MRAP2: variants seen among roughly 807,000 people sequenced by gnomAD.
MRAP2 encodes melanocortin-2 receptor accessory protein 2.
Under a neutral mutation model 17.4 loss-of-function variants are expected in MRAP2, and 20 were observed. The observed-to-expected ratio is 1.15, with a 90% confidence interval of 0.81 to 1.67. The LOEUF (loss-of-function observed/expected upper bound fraction) is 1.67. MRAP2 is among the 40% of genes most tolerant of loss of function. The probability of loss-of-function intolerance (pLI) is 0.00; values close to 1 mark genes in which losing one functional copy is unlikely to be tolerated. For missense variants in MRAP2, 238 were observed against 240.0 expected, an observed-to-expected ratio of 0.99 and a Z score of 0.05; for synonymous variants, 96 against 88.4, an observed-to-expected ratio of 1.09 and a Z score of -0.48.
the MRAP2 span, among the ~76,000 whole-genome samples, chr6:84,120,889 C>G: frequency 6.6e-6 from 1 of 152,080 alleles, no homozygotes; most frequent in Non-Finnish European, 1.5e-5. Flanking sequence ...TTTTACTACC[C>G]TCTAGGCATG....
In MRAP2 at chr6:84,067,034, C is replaced by G. The variant is rs113289488; in HGVS notation, c.227+4042C>G. On this transcript the variant is annotated intron_variant, in intron 3 of 3. Transcript: ENST00000257776. ...GTTTGTAGTCCTTTCTCCCTCACCC[C>G]CTCCTTCTCGTCACCCCCAAGCCCC... 9.2e-3 allele frequency among the ~76,000 whole-genome samples: 1,393 copies of G among 151,998 alleles called. 29 individuals carry two copies. Among genetic ancestry groups the G allele is most frequent in the African/African-American group, 0.031 (1,283 of 41,448 alleles).
At chr6:84,123,784 A>G in the MRAP2 span, among the ~76,000 whole-genome samples, 1 of 152,098 alleles carries the variant, frequency 6.6e-6, no homozygotes, top group African/African-American at 2.4e-5. Context: ...AAATAAACAG[A>G]TAACCTACAT....
intron 1 of MRAP2, among the ~76,000 whole-genome samples, chr6:84,046,767 C>T (rs111465634): frequency 0.15 from 18,173 of 119,384 alleles, 1,553 homozygotes; most frequent in Middle Eastern, 0.4. Context: ...GGCAACAGAG[C>T]GAAACTCCAT....
intron 2 of MRAP2, among the ~76,000 whole-genome samples, chr6:84,056,326 G>C (rs928253004): frequency 6.6e-6 from 1 of 152,176 alleles, no homozygotes; most frequent in Non-Finnish European, 1.5e-5. Flanking sequence ...ATTATTTCCT[G>C]GCTGCTTCTA....
At chr6:84,080,025 T>A (rs913451877) in intron 3 of MRAP2, among the ~76,000 whole-genome samples, 2 of 151,888 alleles carry the variant, frequency 1.3e-5, no homozygotes, top group Non-Finnish European at 2.9e-5. Context: ...GCCAGGGTTT[T>A]TTTTTTGTTT....
chr6:84,060,554 T>A (rs1296818244), intron 2 of MRAP2, among the ~76,000 whole-genome samples: 1 of 152,256 alleles, frequency 6.6e-6, no homozygotes, highest in Admixed American at 6.5e-5. Flanking sequence ...TGCAGGCAGT[T>A]GATAAAGTAC....
chr6:84,061,513 T>G (rs1248154714), intron 2 of MRAP2, among the ~76,000 whole-genome samples: 1 of 152,152 alleles, frequency 6.6e-6, no homozygotes, highest in Non-Finnish European at 1.5e-5. Context: ...CAGACAAAAA[T>G]GTTATTGGGT....
At chr6:84,086,966 A>G (rs2099500634) in intron 3 of MRAP2, among the ~76,000 whole-genome samples, 1 of 152,192 alleles carries the variant, frequency 6.6e-6, no homozygotes, top group Admixed American at 6.5e-5. Flanking sequence ...TATTTCTCAG[A>G]GCTTCTTAGC....
chr6:84,137,288 T>G, the MRAP2 span, among the ~76,000 whole-genome samples: 1 of 152,190 alleles, frequency 6.6e-6, no homozygotes, highest in South Asian at 2.1e-4. Flanking sequence ...GTTGTGTGAC[T>G]CTAAACGTTT....
At chr6:84,102,290 G>A in the MRAP2 span, among the ~76,000 whole-genome samples, 1 of 152,286 alleles carries the variant, frequency 6.6e-6, no homozygotes, top group South Asian at 2.1e-4. Flanking sequence ...GCAGATTAAG[G>A]ACCTTGAGAT....
rs1265363106 is a variant in MRAP2, at chr6:84,050,235, A to T, written c.-7-5077A>T. 3.3e-5 allele frequency among the ~76,000 whole-genome samples: 5 copies of T among 152,334 alleles called. No homozygotes were observed. In the South Asian group the frequency reaches 1.0e-3, roughly 32 times the overall value. On this transcript the variant is annotated intron_variant, in intron 1 of 3. Transcript: ENST00000257776. ...ACCTGGGAATTAAGTGGGAAGTGCC[A>T]GTAGAAGGTGATGGTTCACGCAGAC...
chr6:84,117,478 A>G, the MRAP2 span, among the ~76,000 whole-genome samples: 1 of 150,200 alleles, frequency 6.7e-6, no homozygotes, highest in African/African-American at 2.5e-5. Context: ...CTCTGGTAGA[A>G]TTCATATGGT....
the MRAP2 span, among the ~76,000 whole-genome samples, chr6:84,109,485 G>A: frequency 6.6e-6 from 1 of 151,878 alleles, no homozygotes; most frequent in Non-Finnish European, 1.5e-5. Flanking sequence ...CCTGTTGTTG[G>A]TATATAGGAA....
the MRAP2 span, among the ~76,000 whole-genome samples, chr6:84,145,810 A>G: frequency 6.6e-6 from 1 of 152,136 alleles, no homozygotes; most frequent in Admixed American, 6.6e-5. Flanking sequence ...TCTTATAACT[A>G]GACATACTCA....
At chr6:84,045,659 A>C (rs1189343791) in intron 1 of MRAP2, among the ~76,000 whole-genome samples, 1 of 152,096 alleles carries the variant, frequency 6.6e-6, no homozygotes, top group Non-Finnish European at 1.5e-5. Flanking sequence ...GCTACTCAGG[A>C]GGCTGAAGCA....
At chr6:84,061,522 G>T (rs536851821) in intron 2 of MRAP2, among the ~76,000 whole-genome samples, 1 of 152,314 alleles carries the variant, frequency 6.6e-6, no homozygotes, top group South Asian at 2.1e-4. Context: ...ATGTTATTGG[G>T]TTCAAAGGAG....
intron 3 of MRAP2, among the ~76,000 whole-genome samples, chr6:84,065,542 A>T (rs892852988): frequency 2.0e-5 from 3 of 152,164 alleles, no homozygotes; most frequent in Non-Finnish European, 4.4e-5. Context: ...TTAAGGCACA[A>T]CTCGTAGAGT....
chr6:84,101,809 AC>A, the MRAP2 span, among the ~76,000 whole-genome samples: 7 of 152,242 alleles, frequency 4.6e-5, no homozygotes, highest in African/African-American at 9.6e-5. Context: ...TCCATTAAAT[AC>A]TATAGCAGTC....
the MRAP2 span, among the ~76,000 whole-genome samples, chr6:84,143,625 GGAGA>G: frequency 3.7e-3 from 560 of 152,012 alleles, 6 homozygotes; most frequent in Non-Finnish European, 6.5e-3. Context: ...GCTTGCAGAA[GGAGA>G]GAGAAAGAGA....
Sources: gnomAD v4.1 joint callset for allele counts (sites outside exome capture counted in the v4.1 genomes callset) on GRCh38, gnomAD v4.1.1 for gene constraint, MANE v1.5 for transcripts, NCBI Gene and HGNC (gene_info 2026-07-23, HGNC 2026-07-21) for gene names.